The following NR5A2 variants were observed in gnomAD, a reference collection of about 807,000 sequenced individuals.
The protein encoded by NR5A2 is CYP7A promoter-binding factor.
A neutral mutation model predicts 62.7 loss-of-function variants in NR5A2; 26 were observed. The ratio of observed to expected loss-of-function variants is 0.41; its 90% CI spans 0.30 to 0.58. The LOEUF is 0.58. Ranked by LOEUF, NR5A2 falls within the 20% of genes least tolerant of loss-of-function variation. NR5A2 has a pLI of 0.22. For missense variants in NR5A2, 541 were observed against 669.1 expected, an observed-to-expected ratio of 0.81 and a Z score of 2.11; for synonymous variants, 246 against 241.7, an observed-to-expected ratio of 1.02 and a Z score of -0.16.
intron 1 of NR5A2, among the ~76,000 whole-genome samples, chr1:200,030,392 GC>G (rs1231972062): frequency 6.6e-4 from 100 of 152,256 alleles, no homozygotes; most frequent in Admixed American, 5.9e-4. Flanking sequence ...GTATAGAAAA[GC>G]AGAATTAAGA....
chr1:200,126,183 G>A (rs1415720447), intron 7 of NR5A2, among the ~76,000 whole-genome samples: 3 of 151,960 alleles, frequency 2.0e-5, no homozygotes, highest in Non-Finnish European at 4.4e-5. Context: ...TAATTTGGAA[G>A]GAAAAAAACA....
At chr1:200,047,838 A>C (rs1272872851) in intron 4 of NR5A2, among the ~76,000 whole-genome samples, 1 of 152,150 alleles carries the variant, frequency 6.6e-6, no homozygotes, top group Non-Finnish European at 1.5e-5. Flanking sequence ...TTGGCCTCCC[A>C]AAGTGCAGGG....
chr1:200,028,438 A>AAC (rs561033196), intron 1 of NR5A2, among the ~76,000 whole-genome samples: 7,945 of 151,194 alleles, frequency 0.053, 250 homozygotes, highest in Non-Finnish European at 0.075. Flanking sequence ...AAAAAAAAAA[A>AAC]AAAAACCAAA....
At chr1:200,153,795 T>G (rs536184454) in intron 7 of NR5A2, among the ~76,000 whole-genome samples, 47 of 151,834 alleles carry the variant, frequency 3.1e-4, no homozygotes, top group Non-Finnish European at 6.3e-4. Flanking sequence ...AGGAAAGGTA[T>G]GGAGGGGGAG....
In NR5A2 at chr1:200,115,577, G is replaced by A. The variant is rs1350148198; in HGVS notation, c.1230+4256G>A. Among the ~76,000 whole-genome samples the A allele has an allele frequency of 2.6e-5, 4 of 152,026 alleles. No individual in the cohort carries two copies. The East Asian group carries it at 7.7e-4, about 29-fold the overall frequency. ...GCTTCTGATGGCCTGATAAATGAAG[G>A]GAAATCAAAGATGTAAGGGGAAAAA... On this transcript the variant is annotated intron_variant, in intron 6 of 7. Transcript: ENST00000367362.
chr1:200,077,931 G>T (rs1374736264), intron 5 of NR5A2, among the ~76,000 whole-genome samples: 1 of 152,078 alleles, frequency 6.6e-6, no homozygotes, highest in Admixed American at 6.5e-5. Context: ...ATGATAGCTT[G>T]TACTAATTTT....
In NR5A2 at chr1:200,048,507, C is replaced by G. The variant is rs747857889; in HGVS notation, c.799C>G (p.Arg267Gly). The change falls in exon 5 of 8, where the codon CGG becomes GGG. Residue 267 changes from arginine (R) to glycine (G), a missense_variant. Physicochemically the swap from Arg to Gly is moderately radical, Grantham distance 125. Around this residue, in one of 3 missense-constraint regions of NR5A2, gnomAD observed 379 missense variants for 442.0 expected, o/e 0.86. Transcript: ENST00000367362. The surrounding 1 kb of genome is among the most constrained non-coding windows in gnomAD (Gnocchi z 4.8). ...GYQTYGHFPS[R>G]AIKSEYPDPY... ...CCAAACATATGGCCACTTTCCTAGC[C>G]GGGCCATCAAGTCTGAGTACCCAGA... 2 of 1,614,200 alleles carry G rather than the reference C, an allele frequency of 1.2e-6. No homozygotes were observed. Among genetic ancestry groups the G allele is most frequent in the Admixed American group, 3.3e-5 (2 of 60,012 alleles).
Position 200,034,783 on chromosome 1 carries a change from C to CTTTTTT in NR5A2, c.65-4849_65-4844dup, listed in dbSNP as rs767393832. Among the ~76,000 whole-genome samples, 153 of 71,272 alleles carry CTTTTTT rather than the reference C, an allele frequency of 2.1e-3. 13 individuals are homozygous for CTTTTTT. Among genetic ancestry groups the CTTTTTT allele is most frequent in the African/African-American group, 7.6e-3 (144 of 18,898 alleles). The allele number at this position is 71,272 out of a possible 152,430, so 46.8% of individuals were successfully genotyped here. ...GTTATTCACACGTGCAGCAGAAAGG[C>CTTTTTT]TTTTTTTTTTTTTTTTTTTTTTTTT... On this transcript the variant is annotated intron_variant, in intron 1 of 7. Transcript: ENST00000367362.
At chr1:200,102,293 C>A (rs559017989) in intron 5 of NR5A2, among the ~76,000 whole-genome samples, 1 of 152,160 alleles carries the variant, frequency 6.6e-6, no homozygotes, top group Non-Finnish European at 1.5e-5. Context: ...TTTGATAAGC[C>A]TGTTCCCAAT....
At chr1:200,088,216 TTTG>T (rs555460438) in intron 5 of NR5A2, among the ~76,000 whole-genome samples, 31 of 149,892 alleles carry the variant, frequency 2.1e-4, no homozygotes, top group Non-Finnish European at 3.9e-4. Flanking sequence ...CTTGTTTTTT[TTTG>T]TTGTTGTTGT....
chr1:200,067,244 T>A (rs1663525047), intron 5 of NR5A2, among the ~76,000 whole-genome samples: 1 of 152,148 alleles, frequency 6.6e-6, no homozygotes, highest in Non-Finnish European at 1.5e-5. Flanking sequence ...GAAAACCAAA[T>A]ACCTCATATT....
intron 6 of NR5A2, among the ~76,000 whole-genome samples, chr1:200,118,621 G>C (rs184951721): frequency 1.6e-4 from 25 of 152,264 alleles, no homozygotes; most frequent in African/African-American, 6.0e-4. Context: ...AGGCCTTCCT[G>C]CTCTCATTCA....
In NR5A2 at chr1:200,174,343, T is replaced by C; in HGVS notation, c.*133T>C. 1 of 921,228 alleles carries C rather than the reference T, an allele frequency of 1.1e-6. No individual in the cohort carries two copies. The highest frequency in any genetic ancestry group is 1.5e-6 in the Non-Finnish European group (1 of 675,862). 57.1% of individuals were successfully genotyped at this position (921,228 alleles called of 1,614,324 possible). A position where few individuals can be genotyped will look rare whatever the true frequency, so the allele number is the denominator to read the frequency against. ...GCTAATTAAAAACTTGCTTTAAAGA[T>C]ATTGAATTTAAAAAGGCATAATAAT... On this transcript the variant is annotated 3_prime_UTR_variant, in exon 8 of 8. Coordinates refer to ENST00000367362, the MANE Select transcript of NR5A2 (RefSeq NM_205860.3).
intron 7 of NR5A2, among the ~76,000 whole-genome samples, chr1:200,132,365 T>G (rs181399399): frequency 6.6e-6 from 1 of 152,282 alleles, no homozygotes; most frequent in Admixed American, 6.5e-5. Context: ...GATACAGAGC[T>G]GCATTTTGGA....
chr1:200,153,093 A>G (rs574570509), intron 7 of NR5A2, among the ~76,000 whole-genome samples: 2 of 152,194 alleles, frequency 1.3e-5, no homozygotes, highest in South Asian at 2.1e-4. Context: ...GCTTTCGTTT[A>G]TTCCTTTTGC....
Position 200,048,637 on chromosome 1 carries a change from A to G in NR5A2, c.929A>G (p.Lys310Arg). 2 of 1,614,206 alleles carry G rather than the reference A, an allele frequency of 1.2e-6. No individual in the cohort carries two copies. The highest frequency in any genetic ancestry group is 1.7e-6 in the Non-Finnish European group (2 of 1,180,044). Residue 310 changes from lysine to arginine, a missense_variant, in exon 5 of 8, where the codon AAG becomes AGG. This residue lies in a region of NR5A2 where 379 missense variants were observed against 442.0 expected (regional missense o/e 0.86). Coordinates refer to ENST00000367362, the MANE Select transcript of NR5A2 (RefSeq NM_205860.3). The surrounding 1 kb of genome is among the most constrained non-coding windows in gnomAD (Gnocchi z 4.8). Reference protein sequence around the residue: ...SIPHLILELLKCEPDEPQVQA... With the variant: ...SIPHLILELLRCEPDEPQVQA... ...CCACATCTGATACTGGAACTTTTGA[A>G]GTGTGAGCCAGATGAGCCTCAAGTC...
At chr1:200,045,664 G>A (rs1662327010) in intron 4 of NR5A2, 80 bp downstream of exon 4, 1 of 1,166,776 alleles carries the variant, frequency 8.6e-7, no homozygotes, top group Non-Finnish European at 1.2e-6. Flanking sequence ...CTTATAGCAT[G>A]GTAACATTAT....
chr1:200,154,617 G>A (rs1163884620), intron 7 of NR5A2, among the ~76,000 whole-genome samples: 1 of 152,246 alleles, frequency 6.6e-6, no homozygotes, highest in African/African-American at 2.4e-5. Context: ...TACTGCAGAG[G>A]CTGAGGCAGG....
intron 7 of NR5A2, among the ~76,000 whole-genome samples, chr1:200,152,192 G>A (rs1188580550): frequency 6.6e-6 from 1 of 152,090 alleles, no homozygotes; most frequent in Non-Finnish European, 1.5e-5. Flanking sequence ...ATCAATTTGG[G>A]CAACATAAAG....
Sources: allele counts gnomAD v4.1 joint callset (sites outside exome capture counted in the v4.1 genomes callset), GRCh38; gene constraint gnomAD v4.1.1; regional missense constraint gnomAD v4.1.1; non-coding constraint Gnocchi (gnomAD v3.1); transcripts MANE v1.5; gene names NCBI Gene and HGNC (gene_info 2026-07-23, HGNC 2026-07-21).